CCDC6: variants seen among roughly 807,000 people sequenced by gnomAD.
CCDC6 encodes coiled-coil domain-containing protein 6.
CCDC6 carries 20 observed loss-of-function variants against 56.6 expected under a neutral mutation model. The observed-to-expected ratio is 0.35, with a 90% CI of 0.25 to 0.51. The LOEUF (loss-of-function observed/expected upper bound fraction) is 0.51, where lower values mean the gene tolerates loss of function less well. CCDC6 is among the 20% of genes least tolerant of loss of function. The probability of loss-of-function intolerance (pLI) is 0.95; values close to 1 mark genes in which losing one functional copy is unlikely to be tolerated. For missense variants in CCDC6, 367 were observed against 601.1 expected, an observed-to-expected ratio of 0.61 and a Z score of 4.07; for synonymous variants, 241 against 234.4, an observed-to-expected ratio of 1.03 and a Z score of -0.26.
chr10:59,834,576 A>AG (rs1293136342), intron 2 of CCDC6, among the ~76,000 whole-genome samples: 1 of 151,832 alleles, frequency 6.6e-6, no homozygotes, highest in African/African-American at 2.4e-5. Context: ...AAAGAAAAAA[A>AG]AAAAAGAAAA....
intron 7 of CCDC6, among the ~76,000 whole-genome samples, chr10:59,796,321 G>GGTGT (rs2070518667): frequency 7.6e-6 from 1 of 131,580 alleles, no homozygotes; most frequent in Non-Finnish European, 1.6e-5. Flanking sequence ...TTTTGATGGG[G>GGTGT]TTGTTTTTTT....
intron 2 of CCDC6, among the ~76,000 whole-genome samples, chr10:59,845,346 GTTT>G (rs151236986): frequency 0.14 from 14,112 of 97,622 alleles, 387 homozygotes; most frequent in South Asian, 0.24. Flanking sequence ...GCCCCTATGG[GTTT>G]TTTTTTTTTT....
At chr10:59,824,835 G>A (rs748569909) in intron 3 of CCDC6, among the ~76,000 whole-genome samples, 37 of 151,942 alleles carry the variant, frequency 2.4e-4, no homozygotes, top group Non-Finnish European at 4.7e-4. Flanking sequence ...CAATGCAAAC[G>A]TTTGATTTGA....
chr10:59,868,213 T>C (rs1405243952), intron 1 of CCDC6, among the ~76,000 whole-genome samples: 2 of 152,220 alleles, frequency 1.3e-5, no homozygotes, highest in Non-Finnish European at 2.9e-5. Flanking sequence ...CTGTGGAACA[T>C]GCACTGTACA....
intron 1 of CCDC6, among the ~76,000 whole-genome samples, chr10:59,861,841 G>T (rs2071131516): frequency 6.6e-6 from 1 of 152,176 alleles, no homozygotes; most frequent in Admixed American, 6.5e-5. Flanking sequence ...TTATCAAATG[G>T]TCCAACAATT....
intron 1 of CCDC6, among the ~76,000 whole-genome samples, chr10:59,858,915 C>T (rs182732742): frequency 1.3e-5 from 2 of 152,340 alleles, no homozygotes; most frequent in Admixed American, 1.3e-4. Flanking sequence ...ACTTGACTCA[C>T]ACTGCCTGGT....
chr10:59,867,645 C>A (rs1454717799), intron 1 of CCDC6, among the ~76,000 whole-genome samples: 1 of 152,154 alleles, frequency 6.6e-6, no homozygotes, highest in Non-Finnish European at 1.5e-5. Context: ...CCTTGACTTC[C>A]CGGGCTTGAG....
intron 6 of CCDC6, chr10:59,805,713 A>C (rs2070616093): frequency 6.6e-6 from 1 of 152,184 alleles, no homozygotes; most frequent in Non-Finnish European, 1.5e-5. Context: ...AGAAAGAATA[A>C]TCTTTATTAT....
rs76171561 is a variant in CCDC6 at position 59,821,574 on chromosome 10, C to A, written c.583-6819G>T. ...ATCCCCAGGTGTCTATTTGATTAAT[C>A]AAGCTGTGATTGCTTTCAGAATTTT... On this transcript the variant is annotated intron_variant, in intron 3 of 8. Coordinates refer to ENST00000263102, the MANE Select transcript of CCDC6 (RefSeq NM_005436.5). Among the ~76,000 whole-genome samples the A allele has an allele frequency of 3.4e-3, 523 of 152,282 alleles. 3 individuals are homozygous for A. Among genetic ancestry groups the A allele is most frequent in the African/African-American group, 0.012 (492 of 41,548 alleles).
chr10:59,894,697 A>T (rs143478331), intron 1 of CCDC6, among the ~76,000 whole-genome samples: 1 of 152,308 alleles, frequency 6.6e-6, no homozygotes, highest in African/African-American at 2.4e-5. Context: ...GGGGGAATCC[A>T]TAAGGCTATG....
At position 59,837,701 on chromosome 10, in the gene CCDC6, G is replaced by A. The variant is rs554343040; in HGVS notation, c.454-5048C>T. ...GTGGAGGTTGCAGTTAGCCGAGATC[G>A]CACCACTGCACTCTAGCCTGGGCAA... On this transcript the variant is annotated intron_variant, in intron 2 of 8. Coordinates refer to ENST00000263102, the MANE Select transcript of CCDC6 (RefSeq NM_005436.5). Among the ~76,000 whole-genome samples, 21 of 128,856 alleles carry A rather than the reference G, an allele frequency of 1.6e-4. No homozygotes were observed. In the East Asian group the frequency reaches 2.9e-3, roughly 18 times the overall value. The allele number at this position is 128,856 out of a possible 152,430, so 84.5% of individuals were successfully genotyped here. A position where few individuals can be genotyped will look rare whatever the true frequency, so the allele number is the denominator to read the frequency against.
chr10:59,885,462 C>T (rs1387394544), intron 1 of CCDC6, among the ~76,000 whole-genome samples: 1 of 152,138 alleles, frequency 6.6e-6, no homozygotes, highest in Non-Finnish European at 1.5e-5. Context: ...GCACATATGC[C>T]AACATTACCC....
intron 2 of CCDC6, among the ~76,000 whole-genome samples, chr10:59,836,711 G>C (rs1002574478): frequency 6.6e-6 from 1 of 152,072 alleles, no homozygotes; most frequent in African/African-American, 2.4e-5. Flanking sequence ...AAAGATTATG[G>C]AACAGTTTTA....
intron 1 of CCDC6, among the ~76,000 whole-genome samples, chr10:59,872,693 T>C (rs2071239943): frequency 6.6e-6 from 1 of 150,612 alleles, no homozygotes; most frequent in Non-Finnish European, 1.5e-5. Flanking sequence ...TCTATTCTAG[T>C]TGGACACAAG....
intron 7 of CCDC6, among the ~76,000 whole-genome samples, chr10:59,804,098 A>G (rs2070599247): frequency 6.6e-6 from 1 of 152,114 alleles, no homozygotes; most frequent in Admixed American, 6.5e-5. Context: ...AAATCTACCT[A>G]AGGCTTTTTT....
intron 1 of CCDC6, among the ~76,000 whole-genome samples, chr10:59,877,413 G>T (rs1404093683): frequency 6.6e-6 from 1 of 152,170 alleles, no homozygotes; most frequent in African/African-American, 2.4e-5. Flanking sequence ...TTAGGGCTAG[G>T]TTCCAAGGTT....
intron 2 of CCDC6, among the ~76,000 whole-genome samples, chr10:59,833,110 CAGAG>C (rs1183741938): frequency 1.3e-5 from 2 of 152,138 alleles, no homozygotes; most frequent in Non-Finnish European, 2.9e-5. Context: ...TTTTTCCATA[CAGAG>C]ACTGTATGCC....
intron 1 of CCDC6, among the ~76,000 whole-genome samples, chr10:59,857,714 G>A (rs145222835): frequency 1.4e-4 from 21 of 151,950 alleles, no homozygotes; most frequent in Admixed American, 3.3e-4. Context: ...GTTAGTTGAT[G>A]ACTTGTTTTA....
At chr10:59,810,739 T>C (rs1046359978) in intron 5 of CCDC6, among the ~76,000 whole-genome samples, 6 of 152,130 alleles carry the variant, frequency 3.9e-5, no homozygotes. Context: ...CCCAGAAACC[T>C]GTATGGTGCT....
Sources: allele counts gnomAD v4.1 joint callset (sites outside exome capture counted in the v4.1 genomes callset), GRCh38; gene constraint gnomAD v4.1.1; transcripts MANE v1.5; gene names NCBI Gene and HGNC (gene_info 2026-07-23, HGNC 2026-07-21).